RAB38: variants seen among roughly 807,000 people sequenced by gnomAD.
RAB38 encodes RAB38, member RAS oncogene family, also known as ras-related protein Rab-38.
Under a neutral mutation model 18.4 loss-of-function variants are expected in RAB38, and 15 were observed. That is an observed-to-expected ratio of 0.82 (90% confidence interval 0.55 to 1.26). The LOEUF (loss-of-function observed/expected upper bound fraction) is 1.26. Among genes scored for constraint, RAB38 ranks in the 50% most tolerant of loss-of-function variants. The probability of loss-of-function intolerance (pLI) is 0.00; values close to 1 mark genes in which losing one functional copy is unlikely to be tolerated. For synonymous variants in RAB38, 101 were observed against 104.4 expected (o/e 0.97, Z 0.20); for missense variants, 294 against 267.4 (o/e 1.10, Z -0.69).
the RAB38 span, among the ~76,000 whole-genome samples, chr11:88,043,729 C>G: frequency 6.6e-6 from 1 of 152,074 alleles, no homozygotes. Context: ...CCCGCCTGCA[C>G]CCAGGTGAAA....
At chr11:88,077,033 A>AAAAGAAAAGAAAGC in the RAB38 span, among the ~76,000 whole-genome samples, 69 of 109,242 alleles carry the variant, frequency 6.3e-4, 2 homozygotes, top group African/African-American at 2.3e-3. Flanking sequence ...GAAAAGAAAG[A>AAAAGAAAAGAAAGC]AAGCAAGCAA....
At chr11:87,820,778 G>A in the RAB38 span, among the ~76,000 whole-genome samples, 1 of 152,060 alleles carries the variant, frequency 6.6e-6, no homozygotes, top group East Asian at 1.9e-4. Flanking sequence ...TCTCTAATAT[G>A]CTTAAAGAAA....
the RAB38 span, among the ~76,000 whole-genome samples, chr11:88,099,012 T>C: frequency 6.6e-6 from 1 of 151,980 alleles, no homozygotes; most frequent in Non-Finnish European, 1.5e-5. Context: ...TCCTAAATCT[T>C]GTATATTTTT....
chr11:87,849,406 C>T, the RAB38 span, among the ~76,000 whole-genome samples: 2 of 152,126 alleles, frequency 1.3e-5, no homozygotes, highest in Non-Finnish European at 1.5e-5. Flanking sequence ...TCTGTTTGCT[C>T]AGCGCTGACT....
At chr11:88,023,110 C>A in the RAB38 span, among the ~76,000 whole-genome samples, 1 of 151,538 alleles carries the variant, frequency 6.6e-6, no homozygotes, top group Non-Finnish European at 1.5e-5. Context: ...ATGACATAAG[C>A]CTACCTATGT....
chr11:88,062,747 T>A, the RAB38 span, among the ~76,000 whole-genome samples: 2 of 152,218 alleles, frequency 1.3e-5, no homozygotes, highest in African/African-American at 4.8e-5. Flanking sequence ...AAACTAATTT[T>A]GCAACCTTCA....
the RAB38 span, among the ~76,000 whole-genome samples, chr11:87,968,156 A>G: frequency 6.6e-6 from 1 of 152,138 alleles, no homozygotes. Context: ...TAATTTCCCC[A>G]AAAGAGACAT....
At chr11:87,821,579 G>C in the RAB38 span, among the ~76,000 whole-genome samples, 6,645 of 152,250 alleles carry the variant, frequency 0.044, 280 homozygotes, top group Admixed American at 0.13. Flanking sequence ...GCTGGGCACA[G>C]TGGCTCAGGC....
At chr11:88,094,224 C>G in the RAB38 span, among the ~76,000 whole-genome samples, 1 of 151,860 alleles carries the variant, frequency 6.6e-6, no homozygotes, top group Non-Finnish European at 1.5e-5. Flanking sequence ...CCACTATTCT[C>G]TCCAATTCCT....
the RAB38 span, among the ~76,000 whole-genome samples, chr11:87,910,633 C>CTTTTTTTT: frequency 5.6e-3 from 736 of 130,860 alleles, 53 homozygotes; most frequent in African/African-American, 7.0e-3. Context: ...AGTTCATTTT[C>CTTTTTTTT]TTTTTTTTTT....
chr11:87,955,962 A>G, the RAB38 span, among the ~76,000 whole-genome samples: 1 of 152,154 alleles, frequency 6.6e-6, no homozygotes, highest in Admixed American at 6.6e-5. Flanking sequence ...TCAAAAGAGA[A>G]AATGCAATTT....
At chr11:87,924,824 C>T in the RAB38 span, among the ~76,000 whole-genome samples, 2 of 152,088 alleles carry the variant, frequency 1.3e-5, no homozygotes, top group Non-Finnish European at 2.9e-5. Flanking sequence ...TCCAAAGATC[C>T]AGTTTTTCCA....
chr11:88,145,967 G>C (rs995128924), intron 2 of RAB38, among the ~76,000 whole-genome samples: 2 of 152,134 alleles, frequency 1.3e-5, no homozygotes, highest in Non-Finnish European at 2.9e-5. Flanking sequence ...GAATGCAAAG[G>C]TTAAAAACCA....
the RAB38 span, among the ~76,000 whole-genome samples, chr11:87,961,393 C>T: frequency 6.6e-6 from 1 of 152,182 alleles, no homozygotes; most frequent in Admixed American, 6.6e-5. Flanking sequence ...GTGTCCTGAG[C>T]TGGCTGGGGG....
intron 1 of RAB38, among the ~76,000 whole-genome samples, chr11:88,163,756 A>G (rs1234229560): frequency 6.6e-6 from 1 of 152,098 alleles, no homozygotes; most frequent in Non-Finnish European, 1.5e-5. Flanking sequence ...TAAATTCTGA[A>G]TGTATATTTA....
the RAB38 span, among the ~76,000 whole-genome samples, chr11:87,847,472 A>T: frequency 1.3e-5 from 2 of 152,150 alleles, no homozygotes; most frequent in African/African-American, 4.8e-5. Flanking sequence ...GTCTTATGTA[A>T]ATTAAATAAA....
At chr11:87,947,481 G>T in the RAB38 span, among the ~76,000 whole-genome samples, 4 of 152,112 alleles carry the variant, frequency 2.6e-5, no homozygotes, top group East Asian at 7.7e-4. Flanking sequence ...TGTCCTGAAT[G>T]GTATTGCCTA....
At chr11:88,156,932 A>C (rs1258367496) in intron 1 of RAB38, among the ~76,000 whole-genome samples, 1 of 152,182 alleles carries the variant, frequency 6.6e-6, no homozygotes, top group Non-Finnish European at 1.5e-5. Context: ...ACACAATAGA[A>C]ACTTATATTT....
the RAB38 span, among the ~76,000 whole-genome samples, chr11:87,885,380 G>C: frequency 6.7e-6 from 1 of 149,950 alleles, no homozygotes; most frequent in African/African-American, 2.4e-5. Flanking sequence ...GGGTGTGTCA[G>C]GTGTGATCCT....
Sources: allele counts gnomAD v4.1 joint callset (sites outside exome capture counted in the v4.1 genomes callset), GRCh38; gene constraint gnomAD v4.1.1; transcripts MANE v1.5; gene names NCBI Gene and HGNC (gene_info 2026-07-23, HGNC 2026-07-21).